MEIKIN: variants seen among roughly 807,000 people sequenced by gnomAD.
MEIKIN encodes meiosis-specific kinetochore protein.
chr5:131,915,702 A>G (rs1751405839), intron 7 of MEIKIN, among the ~76,000 whole-genome samples: 1 of 152,242 alleles, frequency 6.6e-6, no homozygotes. Context: ...ACTTCTAACC[A>G]GAAGTAAATG....
intron 9 of MEIKIN, among the ~76,000 whole-genome samples, chr5:131,860,317 G>A (rs1580876115): frequency 1.0e-5 from 1 of 99,316 alleles, no homozygotes; most frequent in African/African-American, 4.4e-5. Context: ...GGTTTGTTTT[G>A]CAGCTGTTGT....
intron 12 of MEIKIN, among the ~76,000 whole-genome samples, chr5:131,810,290 C>T (rs1772928352): frequency 1.3e-5 from 2 of 152,084 alleles, no homozygotes; most frequent in Admixed American, 1.3e-4. Flanking sequence ...GAATTCATAA[C>T]ACATAATTTA....
intron 8 of MEIKIN, among the ~76,000 whole-genome samples, chr5:131,900,690 G>A (rs567061824): frequency 5.3e-5 from 8 of 152,266 alleles, no homozygotes; most frequent in South Asian, 4.1e-4. Context: ...GGTCTACCTG[G>A]TCACCTCTTG....
chr5:131,878,119 A>G (rs954195372), intron 9 of MEIKIN, among the ~76,000 whole-genome samples: 1 of 152,072 alleles, frequency 6.6e-6, no homozygotes, highest in African/African-American at 2.4e-5. Context: ...ATGAGGGGGG[A>G]CTACTATACA....
chr5:131,932,761 C>G (rs1751711071), intron 5 of MEIKIN, among the ~76,000 whole-genome samples: 1 of 152,166 alleles, frequency 6.6e-6, no homozygotes, highest in Admixed American at 6.5e-5. Flanking sequence ...TCCAGGCTCC[C>G]TTTGAGCAGG....
intron 8 of MEIKIN, among the ~76,000 whole-genome samples, chr5:131,888,357 C>T (rs1750840300): frequency 7.1e-6 from 1 of 141,738 alleles, no homozygotes; most frequent in Non-Finnish European, 1.5e-5. Context: ...TTCTCCACAT[C>T]CTCTCCAGCA....
intron 9 of MEIKIN, among the ~76,000 whole-genome samples, chr5:131,873,261 A>G (rs939996417): frequency 2.0e-5 from 3 of 152,134 alleles, no homozygotes; most frequent in African/African-American, 7.2e-5. Context: ...CCCATCTCAC[A>G]TGCAGAGACA....
chr5:131,902,974 A>T (rs775090390), intron 8 of MEIKIN, among the ~76,000 whole-genome samples: 1 of 152,224 alleles, frequency 6.6e-6, no homozygotes, highest in Non-Finnish European at 1.5e-5. Flanking sequence ...GATGCAACAG[A>T]GCTAAAAAAT....
intron 11 of MEIKIN, among the ~76,000 whole-genome samples, chr5:131,841,260 G>C (rs568522072): frequency 6.6e-6 from 1 of 152,106 alleles, no homozygotes; most frequent in Admixed American, 6.5e-5. Flanking sequence ...CCAGACTACT[G>C]GTCTCTACAA....
chr5:131,925,000 T>C (rs1263968150), intron 5 of MEIKIN, among the ~76,000 whole-genome samples: 1 of 152,214 alleles, frequency 6.6e-6, no homozygotes, highest in East Asian at 1.9e-4. Flanking sequence ...TTTTTGTGTA[T>C]GGGTGTCAAT....
At chr5:131,885,123 G>T (rs896962115) in intron 8 of MEIKIN, among the ~76,000 whole-genome samples, 1 of 152,148 alleles carries the variant, frequency 6.6e-6, no homozygotes, top group Admixed American at 6.5e-5. Flanking sequence ...TGCAGGGAAG[G>T]ACATAAGCTT....
intron 11 of MEIKIN, among the ~76,000 whole-genome samples, chr5:131,845,272 T>TTAAAAAAAAAAA (rs1749995385): frequency 8.8e-5 from 4 of 45,360 alleles, no homozygotes; most frequent in South Asian, 1.3e-3. Context: ...GACTTCGTCT[T>TTAAAAAAAAAAA]AAAAAAAAAA....
intron 8 of MEIKIN, among the ~76,000 whole-genome samples, chr5:131,885,365 G>GAA (rs1750769288): frequency 6.2e-5 from 3 of 48,424 alleles, no homozygotes; most frequent in Non-Finnish European, 9.2e-5. Context: ...GAGAGAGAGA[G>GAA]AGAGAGAGAG....
intron 11 of MEIKIN, among the ~76,000 whole-genome samples, chr5:131,832,938 G>C (rs1749739933): frequency 6.6e-6 from 1 of 152,240 alleles, no homozygotes; most frequent in African/African-American, 2.4e-5. Flanking sequence ...CCTGTGATGG[G>C]AGGGGCTGCT....
At chr5:131,822,229 T>C (rs1749522408) in intron 11 of MEIKIN, among the ~76,000 whole-genome samples, 1 of 152,194 alleles carries the variant, frequency 6.6e-6, no homozygotes, top group Non-Finnish European at 1.5e-5. Context: ...GTTTTCTTTT[T>C]TTTAATCCAT....
chr5:131,840,332 T>C (rs561556373), intron 11 of MEIKIN, among the ~76,000 whole-genome samples: 3 of 152,338 alleles, frequency 2.0e-5, no homozygotes, highest in African/African-American at 4.8e-5. Flanking sequence ...CTGATGATTA[T>C]GTATCTTAGG....
chr5:131,827,849 A>T (rs985222353), intron 11 of MEIKIN, among the ~76,000 whole-genome samples: 2 of 152,166 alleles, frequency 1.3e-5, no homozygotes, highest in Non-Finnish European at 2.9e-5. Context: ...TATAATAAAA[A>T]TTGACCATGT....
chr5:131,833,509 T>C (rs981584599), intron 11 of MEIKIN, among the ~76,000 whole-genome samples: 4 of 152,226 alleles, frequency 2.6e-5, no homozygotes, highest in South Asian at 2.1e-4. Context: ...GTTCCAAAGT[T>C]GCTTCCACAT....
intron 9 of MEIKIN, among the ~76,000 whole-genome samples, chr5:131,864,903 A>G (rs1750357137): frequency 6.6e-6 from 1 of 152,100 alleles, no homozygotes. Context: ...GGCATTGCTC[A>G]TTCTTGTTAA....
Sources: allele counts gnomAD v4.1 joint callset (sites outside exome capture counted in the v4.1 genomes callset), GRCh38; gene constraint gnomAD v4.1.1; transcripts MANE v1.5; gene names NCBI Gene and HGNC (gene_info 2026-07-23, HGNC 2026-07-21).